DIP2C: variants seen among roughly 807,000 people sequenced by gnomAD.
DIP2C encodes the protein DIP2 acetate--CoA ligase C (putative).
DIP2C carries 33 observed loss-of-function variants against 192.4 expected under a neutral mutation model. The ratio of observed to expected loss-of-function variants is 0.17; its 90% CI spans 0.13 to 0.23. The LOEUF is 0.23. Ranked by LOEUF, DIP2C falls within the 10% of genes least tolerant of loss-of-function variation. The pLI is 1.00. For synonymous variants in DIP2C, 979 were observed against 864.1 expected, an observed-to-expected ratio of 1.13 and a Z score of -2.33; for missense variants, 1,537 against 2,110.1, an observed-to-expected ratio of 0.73 and a Z score of 5.32.
chr10:656,462 C>T (rs796820206), intron 1 of DIP2C, among the ~76,000 whole-genome samples: 1 of 152,204 alleles, frequency 6.6e-6, no homozygotes, highest in Non-Finnish European at 1.5e-5. Flanking sequence ...CTTTCATAAT[C>T]TCTTTTCCAA....
At chr10:675,646 T>C (rs748363182) in intron 1 of DIP2C, among the ~76,000 whole-genome samples, 53 of 152,116 alleles carry the variant, frequency 3.5e-4, no homozygotes, top group African/African-American at 2.4e-4. Flanking sequence ...TGAACAACTA[T>C]ATGTCAACAG....
chr10:583,326 T>C (rs58248801), intron 1 of DIP2C, among the ~76,000 whole-genome samples: 18,316 of 152,260 alleles, frequency 0.12, 1,852 homozygotes, highest in African/African-American at 0.28. Flanking sequence ...GGATAGCTAG[T>C]TGGGAACATT....
At chr10:309,428 C>T (rs1472097555) in intron 32 of DIP2C, among the ~76,000 whole-genome samples, 1 of 152,082 alleles carries the variant, frequency 6.6e-6, no homozygotes, top group Non-Finnish European at 1.5e-5. Flanking sequence ...CATTCTACGA[C>T]GGGGGCAAAA....
chr10:551,981 C>A lies in DIP2C; in HGVS notation c.86-65451G>T, dbSNP rs945546344. Among the ~76,000 whole-genome samples, 4 of 152,326 alleles carry A rather than the reference C, an allele frequency of 2.6e-5. No individual in the cohort carries two copies. The South Asian group carries it at 6.2e-4, about 24-fold the overall frequency. On this transcript the variant is annotated intron_variant, in intron 1 of 36. Coordinates refer to ENST00000280886, the MANE Select transcript of DIP2C (RefSeq NM_014974.3). ...TATAGCTGTTGTGATCTGAGAACAG[C>A]CACATGCAGGCATCAAAGGGAGGGC...
chr10:500,816 T>C (rs923353011), intron 1 of DIP2C, among the ~76,000 whole-genome samples: 6 of 152,196 alleles, frequency 3.9e-5, no homozygotes, highest in Admixed American at 3.3e-4. Context: ...AGGACAGGAA[T>C]GACTGCGATG....
At chr10:609,115 T>C (rs1344412766) in intron 1 of DIP2C, among the ~76,000 whole-genome samples, 1 of 150,710 alleles carries the variant, frequency 6.6e-6, no homozygotes, top group Non-Finnish European at 1.5e-5. Context: ...TGACTCGCAG[T>C]TCTAAATTTA....
chr10:443,923 G>C (rs1967941859), intron 3 of DIP2C, among the ~76,000 whole-genome samples: 3 of 152,138 alleles, frequency 2.0e-5, no homozygotes, highest in Admixed American at 2.0e-4. Context: ...ACAGTGAAAT[G>C]TTCAGATCTT....
chr10:429,043 A>G (rs550750778), intron 4 of DIP2C, among the ~76,000 whole-genome samples: 1 of 152,128 alleles, frequency 6.6e-6, no homozygotes, highest in Non-Finnish European at 1.5e-5. Flanking sequence ...CTACACTGAA[A>G]CATCATTATC....
chr10:382,168 T>C (rs1221923544), intron 17 of DIP2C, among the ~76,000 whole-genome samples: 1 of 152,202 alleles, frequency 6.6e-6, no homozygotes, highest in East Asian at 1.9e-4. Context: ...AATTTCACTT[T>C]CATTCACTCA....
At chr10:295,146 A>C (rs918062537) in intron 32 of DIP2C, among the ~76,000 whole-genome samples, 15 of 151,532 alleles carry the variant, frequency 9.9e-5, no homozygotes, top group African/African-American at 3.6e-4. Context: ...GAAAATAAAG[A>C]AATAAAAGAA....
chr10:650,458 A>T (rs1303753846), intron 1 of DIP2C: 2 of 707,406 alleles, frequency 2.8e-6, no homozygotes, highest in Non-Finnish European at 5.2e-6. Context: ...TGACCCGGTT[A>T]TCGTTCCTAA....
chr10:511,776 A>G (rs1206400622), intron 1 of DIP2C, among the ~76,000 whole-genome samples: 1 of 152,236 alleles, frequency 6.6e-6, no homozygotes, highest in Non-Finnish European at 1.5e-5. Flanking sequence ...AGACACACCC[A>G]CAACCGCTTA....
At chr10:631,587 A>C (rs1211991525) in intron 1 of DIP2C, among the ~76,000 whole-genome samples, 1 of 152,196 alleles carries the variant, frequency 6.6e-6, no homozygotes, top group East Asian at 1.9e-4. Context: ...ACCATTCTTT[A>C]ATGGGTGAAC....
chr10:284,693 C>T (rs894002459), intron 34 of DIP2C, among the ~76,000 whole-genome samples: 1 of 152,176 alleles, frequency 6.6e-6, no homozygotes, highest in Non-Finnish European at 1.5e-5. Context: ...GTTAATAATA[C>T]TATATCACTT....
chr10:518,139 A>G (rs916377858), intron 1 of DIP2C, among the ~76,000 whole-genome samples: 1 of 152,240 alleles, frequency 6.6e-6, no homozygotes, highest in Non-Finnish European at 1.5e-5. Flanking sequence ...AGTCACAGGC[A>G]TGAGGCCTGG....
At chr10:504,433 C>T (rs148889526) in intron 1 of DIP2C, among the ~76,000 whole-genome samples, 108 of 152,338 alleles carry the variant, frequency 7.1e-4, no homozygotes, top group African/African-American at 2.5e-3. Flanking sequence ...AAACCCAGCA[C>T]ACAATGTTGC....
intron 2 of DIP2C, among the ~76,000 whole-genome samples, chr10:479,728 G>T (rs1449876246): frequency 6.6e-6 from 1 of 152,172 alleles, no homozygotes; most frequent in South Asian, 2.1e-4. Flanking sequence ...CTATTATAAT[G>T]TTTTAACTTG....
intron 4 of DIP2C, among the ~76,000 whole-genome samples, chr10:431,981 C>T (rs1359949606): frequency 2.6e-5 from 4 of 152,104 alleles, no homozygotes; most frequent in Non-Finnish European, 1.5e-5. Context: ...AAATTCTTTT[C>T]CTTTTTCTTA....
chr10:672,867 G>A (rs1588743016), intron 1 of DIP2C, among the ~76,000 whole-genome samples: 1 of 152,166 alleles, frequency 6.6e-6, no homozygotes. Flanking sequence ...AGCTAACTCG[G>A]AGGGGTTGCA....
Sources: gnomAD v4.1 joint callset for allele counts (sites outside exome capture counted in the v4.1 genomes callset) on GRCh38, gnomAD v4.1.1 for gene constraint, MANE v1.5 for transcripts, NCBI Gene and HGNC (gene_info 2026-07-23, HGNC 2026-07-21) for gene names.